The following MAGI2 variants were observed in gnomAD, a reference collection of about 807,000 sequenced individuals.
MAGI2 encodes the protein membrane associated guanylate kinase, WW and PDZ domain containing 2.
In MAGI2, 35 loss-of-function variants were observed where a neutral mutation model predicts 133.3. The observed-to-expected ratio is 0.26, with a 90% confidence interval of 0.20 to 0.35. The LOEUF (loss-of-function observed/expected upper bound fraction) is 0.35. MAGI2 is among the 10% of genes least tolerant of loss of function. The probability of loss-of-function intolerance (pLI) is 1.00; values close to 1 mark genes in which losing one functional copy is unlikely to be tolerated. For missense variants in MAGI2, 1,636 were observed against 1,863.4 expected (o/e 0.88, Z 2.25); for synonymous variants, 729 against 710.6 (o/e 1.03, Z -0.41).
At chr7:78,515,684 T>A (rs1221406527) in intron 4 of MAGI2, among the ~76,000 whole-genome samples, 2 of 152,170 alleles carry the variant, frequency 1.3e-5, no homozygotes, top group Non-Finnish European at 2.9e-5. Context: ...GTGGATCACC[T>A]GAGGTCAGGA....
At chr7:78,398,881 T>C (rs940426349) in intron 6 of MAGI2, among the ~76,000 whole-genome samples, 1 of 152,214 alleles carries the variant, frequency 6.6e-6, no homozygotes, top group Non-Finnish European at 1.5e-5. Context: ...TGCAGTGATC[T>C]TGAATAAAGT....
intron 1 of MAGI2, among the ~76,000 whole-genome samples, chr7:79,229,847 G>C (rs1173601323): frequency 6.6e-6 from 1 of 150,864 alleles, no homozygotes. Context: ...ACATTGTGCA[G>C]GTTAGTTACA....
intron 9 of MAGI2, among the ~76,000 whole-genome samples, chr7:78,335,620 T>C (rs999427138): frequency 6.6e-6 from 1 of 152,056 alleles, no homozygotes; most frequent in Non-Finnish European, 1.5e-5. Context: ...AAAAATATAA[T>C]GCAAAGTCCC....
Position 79,453,122 on chromosome 7 carries a change from G to A in MAGI2, c.199C>T (p.Leu67=). 6.2e-7 allele frequency: 1 copy of A among 1,613,898 alleles called. No individual in the cohort carries two copies. The part of the protein sequence containing the change: ...GSKLVSEELL[L]EVNETPVAGL... ...GCCACGGGGGTCTCGTTCACCTCCA[G>A]CAGCAGCTCCTCCGACACCAATTTG... Residue 67 remains leucine, a synonymous_variant, in exon 1 of 22, where the codon CTG becomes TTG. Transcript: ENST00000354212.
intron 4 of MAGI2, among the ~76,000 whole-genome samples, chr7:78,513,381 T>C (rs1795770048): frequency 6.6e-6 from 1 of 152,146 alleles, no homozygotes; most frequent in South Asian, 2.1e-4. Context: ...AGAGAGACCT[T>C]ATGCCCTCTT....
chr7:78,554,287 G>A (rs1411644669), intron 3 of MAGI2, among the ~76,000 whole-genome samples: 1 of 152,218 alleles, frequency 6.6e-6, no homozygotes, highest in African/African-American at 2.4e-5. Flanking sequence ...AAGCGCTTGT[G>A]AAAGTGCTCC....
At chr7:78,165,715 T>C (rs926668868) in intron 15 of MAGI2, among the ~76,000 whole-genome samples, 7 of 152,130 alleles carry the variant, frequency 4.6e-5, no homozygotes, top group Non-Finnish European at 1.0e-4. Context: ...TAAGCCAGGC[T>C]TGCACCTCCC....
chr7:78,757,089 A>C (rs979378327), intron 2 of MAGI2, among the ~76,000 whole-genome samples: 2 of 152,122 alleles, frequency 1.3e-5, no homozygotes, highest in Admixed American at 6.5e-5. Context: ...AAATTGCTGC[A>C]ATCAGAAGAG....
chr7:78,752,518 G>A (rs988541849), intron 2 of MAGI2, among the ~76,000 whole-genome samples: 3 of 152,300 alleles, frequency 2.0e-5, no homozygotes, highest in African/African-American at 7.2e-5. Context: ...CAGGAGAACT[G>A]CTTGAACCCG....
At chr7:78,737,887 A>G (rs972664893) in intron 2 of MAGI2, among the ~76,000 whole-genome samples, 1 of 152,094 alleles carries the variant, frequency 6.6e-6, no homozygotes, top group African/African-American at 2.4e-5. Flanking sequence ...TGCACCTGAA[A>G]CCAAAACATT....
chr7:79,223,767 C>CA (rs1408197774), intron 1 of MAGI2, among the ~76,000 whole-genome samples: 1 of 152,038 alleles, frequency 6.6e-6, no homozygotes, highest in African/African-American at 2.4e-5. Flanking sequence ...AGCTCTGGTA[C>CA]ACAGTCTGCT....
At chr7:78,945,518 C>T (rs1490821601) in intron 2 of MAGI2, among the ~76,000 whole-genome samples, 1 of 152,080 alleles carries the variant, frequency 6.6e-6, no homozygotes, top group Non-Finnish European at 1.5e-5. Flanking sequence ...CAAATAACAT[C>T]CACTCTTTAC....
chr7:78,873,319 C>T (rs1237206864), intron 2 of MAGI2, among the ~76,000 whole-genome samples: 2 of 152,172 alleles, frequency 1.3e-5, no homozygotes, highest in African/African-American at 4.8e-5. Flanking sequence ...GGCTGCACAG[C>T]AGGAGGTGAG....
chr7:78,674,377 A>T (rs1814752265), intron 2 of MAGI2, among the ~76,000 whole-genome samples: 1 of 152,090 alleles, frequency 6.6e-6, no homozygotes, highest in South Asian at 2.1e-4. Flanking sequence ...GCAAAAGCAA[A>T]TACTTATGGC....
chr7:78,659,326 T>C (rs1812659105), intron 2 of MAGI2, among the ~76,000 whole-genome samples: 1 of 148,700 alleles, frequency 6.7e-6, no homozygotes, highest in Non-Finnish European at 1.5e-5. Context: ...TGGTGTGCAC[T>C]TGTAGTCCCA....
chr7:78,580,935 G>A (rs1164696798), intron 3 of MAGI2, among the ~76,000 whole-genome samples: 3 of 152,160 alleles, frequency 2.0e-5, no homozygotes, highest in African/African-American at 7.2e-5. Context: ...CACAAATGCA[G>A]ATGACGACAG....
At chr7:78,910,799 A>C (rs752278143) in intron 2 of MAGI2, among the ~76,000 whole-genome samples, 2 of 152,212 alleles carry the variant, frequency 1.3e-5, no homozygotes, top group Non-Finnish European at 2.9e-5. Context: ...CCTCAGGGAA[A>C]GGTTCTATTC....
At chr7:78,663,070 T>C (rs553465264) in intron 2 of MAGI2, among the ~76,000 whole-genome samples, 2 of 152,148 alleles carry the variant, frequency 1.3e-5, no homozygotes, top group Non-Finnish European at 2.9e-5. Flanking sequence ...CAAATTTGAA[T>C]GGAACTAAAT....
chr7:79,446,908 C>A (rs762346971), intron 1 of MAGI2, among the ~76,000 whole-genome samples: 1 of 151,970 alleles, frequency 6.6e-6, no homozygotes, highest in Non-Finnish European at 1.5e-5. Flanking sequence ...GCTGAGATCA[C>A]GCCACTGCAC....
Sources: allele counts gnomAD v4.1 joint callset (sites outside exome capture counted in the v4.1 genomes callset), GRCh38; gene constraint gnomAD v4.1.1; transcripts MANE v1.5; gene names NCBI Gene and HGNC (gene_info 2026-07-23, HGNC 2026-07-21).